Variants in C9orf85 observed in about 807,000 individuals in gnomAD.
C9orf85 encodes the protein chromosome 9 open reading frame 85, also known as uncharacterized protein C9orf85.
In C9orf85, 16 loss-of-function variants were observed where a neutral mutation model predicts 14.9. That is an observed-to-expected ratio of 1.08 (90% CI 0.73 to 1.63). The LOEUF (loss-of-function observed/expected upper bound fraction) is 1.63, where lower values mean the gene tolerates loss of function less well. Ranked by LOEUF, C9orf85 falls within the 40% of genes most tolerant of loss-of-function variation. C9orf85 has a pLI of 0.00. For missense variants in C9orf85, 172 were observed against 186.1 expected (o/e 0.92, Z 0.44); for synonymous variants, 45 against 56.8 (o/e 0.79, Z 0.93).
chr9:71,957,847 A>G (rs1822418818), intron 2 of C9orf85, among the ~76,000 whole-genome samples: 1 of 152,152 alleles, frequency 6.6e-6, no homozygotes, highest in African/African-American at 2.4e-5. Context: ...ACAAATAAGG[A>G]TTAGGAATGG....
At chr9:71,937,616 T>G (rs1010112513) in intron 1 of C9orf85, among the ~76,000 whole-genome samples, 1 of 152,218 alleles carries the variant, frequency 6.6e-6, no homozygotes, top group African/African-American at 2.4e-5. Flanking sequence ...GTATTTCTAG[T>G]ATATACTTTC....
chr9:71,954,140 A>G (rs1029203379), intron 2 of C9orf85, among the ~76,000 whole-genome samples: 2 of 146,240 alleles, frequency 1.4e-5, no homozygotes, highest in Non-Finnish European at 1.5e-5. Context: ...AGCGTATTTT[A>G]CATAAGTTGA....
intron 2 of C9orf85, among the ~76,000 whole-genome samples, chr9:71,961,967 C>T (rs547713304): frequency 3.3e-5 from 5 of 152,192 alleles, no homozygotes; most frequent in African/African-American, 1.2e-4. Flanking sequence ...AAGTGCTAGA[C>T]CAACTTGGGC....
intron 1 of C9orf85, among the ~76,000 whole-genome samples, chr9:71,917,623 T>A (rs1283422767): frequency 2.0e-5 from 3 of 152,080 alleles, no homozygotes; most frequent in Admixed American, 2.0e-4. Flanking sequence ...CTCTGCTATT[T>A]TAAAAAAAAG....
chr9:71,983,921 A>G (rs1268417945), downstream of C9orf85: 1 of 152,206 alleles, frequency 6.6e-6, no homozygotes, highest in Non-Finnish European at 1.5e-5. Flanking sequence ...GTGTCTCTGT[A>G]TGTATGTAAA....
chr9:71,967,032 G>T (rs1822711325), intron 2 of C9orf85, among the ~76,000 whole-genome samples: 1 of 152,112 alleles, frequency 6.6e-6, no homozygotes, highest in South Asian at 2.1e-4. Context: ...CCACCCTCTG[G>T]CTTGTTTTTT....
chr9:71,916,509 A>T (rs188119083), intron 1 of C9orf85, among the ~76,000 whole-genome samples: 4 of 152,268 alleles, frequency 2.6e-5, no homozygotes, highest in African/African-American at 9.6e-5. Context: ...TTGCTTGGCT[A>T]TGGAACGCTT....
intron 3 of C9orf85, among the ~76,000 whole-genome samples, chr9:71,971,877 G>C (rs111603245): frequency 7.3e-5 from 11 of 151,600 alleles, no homozygotes; most frequent in African/African-American, 2.4e-4. Context: ...GGGAGTCTAA[G>C]GCAGGAGAAT....
chr9:71,928,708 A>G (rs1827992519), intron 1 of C9orf85, among the ~76,000 whole-genome samples: 1 of 152,194 alleles, frequency 6.6e-6, no homozygotes, highest in Non-Finnish European at 1.5e-5. Context: ...TAACAGTACC[A>G]CTTATTTTCC....
chr9:71,957,191 T>G (rs1358879864), intron 2 of C9orf85, among the ~76,000 whole-genome samples: 1 of 152,194 alleles, frequency 6.6e-6, no homozygotes, highest in Non-Finnish European at 1.5e-5. Flanking sequence ...TGATAGATTA[T>G]CAAGCCCCTT....
At chr9:71,930,128 A>T (rs1828035044) in intron 1 of C9orf85, among the ~76,000 whole-genome samples, 1 of 152,060 alleles carries the variant, frequency 6.6e-6, no homozygotes, top group South Asian at 2.1e-4. Flanking sequence ...AAACCAAAAG[A>T]TTTATTTTAT....
chr9:71,932,238 A>T (rs1266995560), intron 1 of C9orf85, among the ~76,000 whole-genome samples: 1 of 152,196 alleles, frequency 6.6e-6, no homozygotes, highest in Non-Finnish European at 1.5e-5. Context: ...GTACACACTC[A>T]GTTTGCCTTG....
chr9:71,962,550 G>A (rs1822547359), intron 2 of C9orf85, among the ~76,000 whole-genome samples: 2 of 152,200 alleles, frequency 1.3e-5, no homozygotes, highest in Non-Finnish European at 2.9e-5. Context: ...AAGTACGACA[G>A]GAGCTAAATT....
rs1421835269 is a variant in C9orf85, at chr9:71,947,009, A to G, written c.106A>G (p.Ile36Val). The G allele has an allele frequency of 2.5e-6, 4 of 1,605,536 alleles. No homozygotes were observed. The highest frequency in any genetic ancestry group is 2.7e-5 in the African/African-American group (2 of 74,760). The change falls in exon 2 of 4, where the codon ATT becomes GTT. Residue 36 changes from isoleucine to valine, a missense_variant. By Grantham distance (29) the Ile-to-Val change is conservative. Coordinates refer to ENST00000334731, the MANE Select transcript of C9orf85 (RefSeq NM_182505.5). ...KFDKSVQTKK[I>V]NAKLHDGVCQ... ...TGTCTTTCTGTTTGTTTTTAAGAAA[A>G]TTAATGCAAAACTTCATGATGGAGT...
chr9:71,952,490 G>A (rs948882647), intron 2 of C9orf85, among the ~76,000 whole-genome samples: 26 of 151,954 alleles, frequency 1.7e-4, no homozygotes, highest in Admixed American at 4.6e-4. Flanking sequence ...TCAGCCTCCC[G>A]AGTAGCTGGG....
At chr9:71,953,105 A>G (rs1459385393) in intron 2 of C9orf85, among the ~76,000 whole-genome samples, 1 of 152,124 alleles carries the variant, frequency 6.6e-6, no homozygotes, top group Non-Finnish European at 1.5e-5. Context: ...TAAAGAGACC[A>G]GGGATGCTGC....
At chr9:71,932,635 A>G (rs1828097843) in intron 1 of C9orf85, among the ~76,000 whole-genome samples, 1 of 152,234 alleles carries the variant, frequency 6.6e-6, no homozygotes, top group African/African-American at 2.4e-5. Context: ...AACAAAAAGA[A>G]GCAAACCCTG....
At chr9:71,966,675 T>C (rs1356006550) in intron 2 of C9orf85, among the ~76,000 whole-genome samples, 3 of 152,168 alleles carry the variant, frequency 2.0e-5, no homozygotes, top group Non-Finnish European at 4.4e-5. Flanking sequence ...ATCTTGATGT[T>C]ACAGAGAGAA....
intron 1 of C9orf85, among the ~76,000 whole-genome samples, chr9:71,927,268 A>C (rs1827953622): frequency 3.5e-4 from 1 of 2,850 alleles, no homozygotes. Context: ...AAGTTTGTCA[A>C]AAAAAAAAAA....
Sources: gnomAD v4.1 joint callset for allele counts (sites outside exome capture counted in the v4.1 genomes callset) on GRCh38, gnomAD v4.1.1 for gene constraint, MANE v1.5 for transcripts, NCBI Gene and HGNC (gene_info 2026-07-23, HGNC 2026-07-21) for gene names.